The following ZNF652 variants were observed in gnomAD, a reference collection of about 807,000 sequenced individuals.
ZNF652 encodes the protein zinc finger protein 652.
In ZNF652, 16 loss-of-function variants were observed where a neutral mutation model predicts 45.2. The observed-to-expected ratio is 0.35, with a 90% CI of 0.24 to 0.54. The LOEUF is 0.54. Among genes scored for constraint, ZNF652 ranks in the 20% least tolerant of loss-of-function variants. ZNF652 has a pLI of 0.91. For missense variants in ZNF652, 614 were observed against 765.6 expected (o/e 0.80, Z 2.34); for synonymous variants, 250 against 260.6 (o/e 0.96, Z 0.39).
At chr17:49,305,219 C>T (rs1028380740) in intron 5 of ZNF652, among the ~76,000 whole-genome samples, 2 of 152,196 alleles carry the variant, frequency 1.3e-5, no homozygotes, top group Admixed American at 6.5e-5. Flanking sequence ...TTCATTCAAA[C>T]TTGGTGATTG....
At chr17:49,348,912 A>G (rs1055635352) in intron 1 of ZNF652, among the ~76,000 whole-genome samples, 1 of 152,044 alleles carries the variant, frequency 6.6e-6, no homozygotes, top group African/African-American at 2.4e-5. Context: ...ATGCTTGAGG[A>G]TTTTTTCTTT....
chr17:49,318,634 A>G (rs1365318074), intron 1 of ZNF652, among the ~76,000 whole-genome samples: 1 of 152,182 alleles, frequency 6.6e-6, no homozygotes. Context: ...ATATGCTGAT[A>G]TGGCAAAATA....
intron 1 of ZNF652, among the ~76,000 whole-genome samples, chr17:49,357,275 G>A (rs1002753166): frequency 3.3e-5 from 5 of 150,882 alleles, no homozygotes; most frequent in Non-Finnish European, 5.9e-5. Flanking sequence ...CTCCAGCCTG[G>A]GCAACAGAGC....
At chr17:49,333,422 C>T (rs1397661500) in intron 1 of ZNF652, among the ~76,000 whole-genome samples, 1 of 148,876 alleles carries the variant, frequency 6.7e-6, no homozygotes, top group Non-Finnish European at 1.5e-5. Flanking sequence ...AGAAGATATA[C>T]AAATGGGCCA....
intron 5 of ZNF652, 48 bp downstream of exon 5, chr17:49,311,264 C>A: frequency 6.4e-7 from 1 of 1,569,018 alleles, no homozygotes; most frequent in South Asian, 1.2e-5. Flanking sequence ...AGATGATCAT[C>A]AACAAGTGCT....
intron 1 of ZNF652, among the ~76,000 whole-genome samples, chr17:49,353,638 T>A (rs1384814132): frequency 6.6e-6 from 1 of 152,190 alleles, no homozygotes; most frequent in African/African-American, 2.4e-5. Flanking sequence ...CCAATTTTTC[T>A]AAATGAAATA....
intron 1 of ZNF652, among the ~76,000 whole-genome samples, chr17:49,356,907 A>G (rs544444032): frequency 6.6e-6 from 1 of 151,652 alleles, no homozygotes; most frequent in African/African-American, 2.4e-5. Flanking sequence ...AAGAAATCCT[A>G]TTTTACAAGC....
In ZNF652 at chr17:49,316,098, G is replaced by A. The variant is rs530446620; in HGVS notation, c.900+728C>T. ...TTCACACGTGCAAACCAATATAACT[G>A]CAATCCACTTGACATAATATAATTA... On this transcript the variant is annotated intron_variant, in intron 2 of 5. Coordinates refer to ENST00000430262, the MANE Select transcript of ZNF652 (RefSeq NM_001145365.3). 7.2e-5 allele frequency among the ~76,000 whole-genome samples: 11 copies of A among 152,270 alleles called. No individual in the cohort carries two copies. In the East Asian group the frequency reaches 2.1e-3, roughly 29 times the overall value.
chr17:49,313,248 C>T lies in ZNF652; in HGVS notation c.901-403G>A, dbSNP rs570409102. Among the ~76,000 whole-genome samples the T allele has an allele frequency of 2.6e-5, 4 of 152,178 alleles. No homozygotes were observed. In the South Asian group the frequency reaches 6.2e-4, roughly 24 times the overall value. On this transcript the variant is annotated intron_variant, in intron 2 of 5. Coordinates refer to ENST00000430262, the MANE Select transcript of ZNF652 (RefSeq NM_001145365.3). ...TAGGCTCACTGCAACCTCCACCTCC[C>T]GGGTTCAAGCGATTCTCCTGCCTCA...
At chr17:49,333,783 T>TTAACA (rs1386957580) in intron 1 of ZNF652, among the ~76,000 whole-genome samples, 1 of 150,746 alleles carries the variant, frequency 6.6e-6, no homozygotes, top group East Asian at 1.9e-4. Flanking sequence ...GAAAAGATGC[T>TTAACA]TAACATTATT....
chr17:49,325,707 C>A (rs2069949453), intron 1 of ZNF652, among the ~76,000 whole-genome samples: 2 of 151,822 alleles, frequency 1.3e-5, no homozygotes, highest in African/African-American at 2.4e-5. Context: ...CCCGTGGTCC[C>A]AGCTACTTGG....
At chr17:49,361,886 T>G (rs2070400824) in intron 1 of ZNF652, 23 bp downstream of exon 1, 1 of 150,128 alleles carries the variant, frequency 6.7e-6, no homozygotes, top group Non-Finnish European at 1.5e-5. Context: ...GGCGAGTGCG[T>G]GGGGGAAGGG....
At chr17:49,330,964 C>G (rs2070016651) in intron 1 of ZNF652, among the ~76,000 whole-genome samples, 1 of 151,182 alleles carries the variant, frequency 6.6e-6, no homozygotes, top group Admixed American at 6.6e-5. Context: ...GTAATCCCAG[C>G]TACTCCAGAG....
chr17:49,349,904 TAAAC>T (rs1478071531), intron 1 of ZNF652, among the ~76,000 whole-genome samples: 9 of 152,190 alleles, frequency 5.9e-5, no homozygotes. Context: ...TACATATGTT[TAAAC>T]AAACACAGAG....
chr17:49,352,392 G>C (rs149684761), intron 1 of ZNF652, among the ~76,000 whole-genome samples: 1 of 152,256 alleles, frequency 6.6e-6, no homozygotes, highest in African/African-American at 2.4e-5. Context: ...GTTCAGAAAA[G>C]TTAAATGGCT....
At chr17:49,323,181 C>T (rs1352570349) in intron 1 of ZNF652, among the ~76,000 whole-genome samples, 3 of 152,232 alleles carry the variant, frequency 2.0e-5, no homozygotes, top group Non-Finnish European at 4.4e-5. Flanking sequence ...CTCTCAAACC[C>T]AGCCACTGCT....
At chr17:49,333,293 G>A (rs541536567) in intron 1 of ZNF652, among the ~76,000 whole-genome samples, 18 of 150,198 alleles carry the variant, frequency 1.2e-4, no homozygotes, top group African/African-American at 2.7e-4. Flanking sequence ...TCCCAACCTC[G>A]TGATCCGCCC....
chr17:49,336,255 C>T (rs1298684463), intron 1 of ZNF652, among the ~76,000 whole-genome samples: 3 of 151,632 alleles, frequency 2.0e-5, no homozygotes, highest in African/African-American at 7.3e-5. Flanking sequence ...GAACCCCTGA[C>T]CTCATGATCT....
At chr17:49,359,914 G>C (rs763785355) in intron 1 of ZNF652, among the ~76,000 whole-genome samples, 1 of 152,074 alleles carries the variant, frequency 6.6e-6, no homozygotes, top group Non-Finnish European at 1.5e-5. Context: ...GAATGATATA[G>C]CCTTCTTTTA....
Sources: allele counts gnomAD v4.1 joint callset (sites outside exome capture counted in the v4.1 genomes callset), GRCh38; gene constraint gnomAD v4.1.1; transcripts MANE v1.5; gene names NCBI Gene and HGNC (gene_info 2026-07-23, HGNC 2026-07-21).